Variants in KDM4C observed in about 807,000 individuals in gnomAD.
KDM4C encodes lysine demethylase 4C.
KDM4C carries 81 observed loss-of-function variants against 129.3 expected under a neutral mutation model. That is an observed-to-expected ratio of 0.63 (90% CI 0.52 to 0.75). KDM4C has a LOEUF of 0.75. Among genes scored for constraint, KDM4C ranks in the 30% least tolerant of loss-of-function variants. The pLI, the probability that KDM4C is intolerant of heterozygous loss-of-function variation, is 0.00. For synonymous variants in KDM4C, 573 were observed against 456.1 expected (o/e 1.26, Z -3.26); for missense variants, 1,457 against 1,304.0 (o/e 1.12, Z -1.81).
intron 1 of KDM4C, among the ~76,000 whole-genome samples, chr9:6,733,942 A>G (rs953077794): frequency 6.6e-6 from 1 of 152,120 alleles, no homozygotes; most frequent in Non-Finnish European, 1.5e-5. Flanking sequence ...TCACGCTCAC[A>G]TCTTGGTTTT....
chr9:6,805,549 T>C, intron 2 of KDM4C, 50 bp from the exon 3 acceptor site: 1 of 1,320,906 alleles, frequency 7.6e-7, no homozygotes, highest in South Asian at 1.6e-5. Flanking sequence ...AAAGCTAAAT[T>C]ACTTGGAGTA....
chr9:6,856,943 G>C (rs945015532), intron 5 of KDM4C, among the ~76,000 whole-genome samples: 4 of 151,972 alleles, frequency 2.6e-5, no homozygotes, highest in Non-Finnish European at 5.9e-5. Flanking sequence ...ATTTTTAGTA[G>C]AGACGGGGTT....
chr9:6,920,753 A>G (rs1383111783), intron 8 of KDM4C, among the ~76,000 whole-genome samples: 3 of 152,122 alleles, frequency 2.0e-5, no homozygotes, highest in Non-Finnish European at 2.9e-5. Flanking sequence ...TTGGTCTTGC[A>G]CAGAGGGAAA....
chr9:6,833,858 A>G (rs1014833573), intron 4 of KDM4C, among the ~76,000 whole-genome samples: 1 of 152,168 alleles, frequency 6.6e-6, no homozygotes, highest in African/African-American at 2.4e-5. Flanking sequence ...TCCAATCCGC[A>G]GCCCAGTGAT....
intron 15 of KDM4C, among the ~76,000 whole-genome samples, chr9:7,043,645 C>G (rs566752507): frequency 5.2e-4 from 78 of 151,348 alleles, no homozygotes; most frequent in African/African-American, 1.8e-3. Flanking sequence ...TTGAGTCAAA[C>G]AAATGATGTA....
At chr9:7,005,608 CTAT>C (rs1821525573) in intron 12 of KDM4C, among the ~76,000 whole-genome samples, 1 of 152,078 alleles carries the variant, frequency 6.6e-6, no homozygotes, top group Admixed American at 6.5e-5. Context: ...GGGTTTGTGG[CTAT>C]TATAACTAAA....
chr9:6,983,317 G>T (rs115075216), intron 9 of KDM4C, among the ~76,000 whole-genome samples: 183 of 152,214 alleles, frequency 1.2e-3, no homozygotes, highest in African/African-American at 4.0e-3. Context: ...TAATTGTTAG[G>T]AATGTTTGTT....
chr9:6,946,555 A>G (rs1373946744), intron 8 of KDM4C, among the ~76,000 whole-genome samples: 1 of 152,126 alleles, frequency 6.6e-6, no homozygotes, highest in Non-Finnish European at 1.5e-5. Flanking sequence ...ATCCACATTT[A>G]GGGTAAATCT....
intron 1 of KDM4C, among the ~76,000 whole-genome samples, chr9:6,778,634 GCACATGCCTGTA>G (rs1823615946): frequency 6.6e-6 from 1 of 151,740 alleles, no homozygotes; most frequent in Non-Finnish European, 1.5e-5. Flanking sequence ...GGGCGTGGTG[GCACATGCCTGTA>G]ATCCCAGCTA....
At chr9:6,735,091 A>G (rs1052044811) in intron 1 of KDM4C, 4 of 417,110 alleles carry the variant, frequency 9.6e-6, no homozygotes, top group East Asian at 5.7e-5. Flanking sequence ...CCAGCAGCCT[A>G]TGCAATGACT....
intron 18 of KDM4C, among the ~76,000 whole-genome samples, chr9:7,118,401 G>T (rs977781747): frequency 1.3e-5 from 2 of 152,170 alleles, no homozygotes; most frequent in African/African-American, 4.8e-5. Context: ...TCTGGGCAGA[G>T]GATTTTTACC....
intron 17 of KDM4C, among the ~76,000 whole-genome samples, chr9:7,074,442 C>G (rs375257991): frequency 6.6e-6 from 1 of 152,094 alleles, no homozygotes; most frequent in Non-Finnish European, 1.5e-5. Flanking sequence ...CCTGGGATTA[C>G]GGGTATGAGC....
intron 15 of KDM4C, among the ~76,000 whole-genome samples, chr9:7,025,093 C>G (rs10975988): frequency 1.6e-3 from 247 of 152,244 alleles, no homozygotes; most frequent in Non-Finnish European, 3.1e-3. Context: ...CTCAGTTGAC[C>G]TCTTTATTAT....
intron 20 of KDM4C, among the ~76,000 whole-genome samples, chr9:7,167,689 A>G (rs988017103): frequency 2.0e-5 from 3 of 152,160 alleles, no homozygotes; most frequent in Admixed American, 6.5e-5. Context: ...TGTATGTTTG[A>G]TCTTTATTAA....
At position 6,986,456 on chromosome 9, in the gene KDM4C, A is replaced by T; in HGVS notation, c.1467A>T (p.Pro489=). The T allele has an allele frequency of 6.2e-7, 1 of 1,614,098 alleles. No individual in the cohort carries two copies. The highest frequency in any genetic ancestry group is 8.5e-7 in the Non-Finnish European group (1 of 1,179,990). The change falls in exon 11 of 22, where the codon CCA becomes CCT. Residue 489 remains proline (P), a synonymous_variant. Coordinates refer to ENST00000381309, the MANE Select transcript of KDM4C (RefSeq NM_015061.6). ...SISSEADDSI[P]LSSGYEKPEK... ...CCAGTGAGGCTGATGATTCCATTCC[A>T]TTGTCTAGTGGCTATGAGAAGCCCG...
In KDM4C at chr9:6,929,471, C is replaced by CTT. The variant is rs59537472; in HGVS notation, c.921+36257_921+36258dup. ...TACACTTTATCCTGTTTGACTTTTT[C>CTT]TTTTTTTTTTTTTTTTTTTGGCAAC... On this transcript the variant is annotated intron_variant, in intron 8 of 21. Transcript: ENST00000381309. Among the ~76,000 whole-genome samples the CTT allele has an allele frequency of 4.5e-3, 580 of 127,522 alleles. 5 individuals carry two copies. The highest frequency in any genetic ancestry group is 0.014 in the African/African-American group (483 of 34,218). The allele number at this position is 127,522 out of a possible 152,430, so 83.7% of individuals were successfully genotyped here.
intron 4 of KDM4C, among the ~76,000 whole-genome samples, chr9:6,844,385 C>G (rs914198788): frequency 6.6e-6 from 1 of 152,190 alleles, no homozygotes; most frequent in East Asian, 1.9e-4. Flanking sequence ...TGAAGTGCAT[C>G]TCTGATGTGG....
chr9:7,131,378 T>A (rs990498234), intron 19 of KDM4C, among the ~76,000 whole-genome samples: 2 of 152,184 alleles, frequency 1.3e-5, no homozygotes, highest in African/African-American at 4.8e-5. Flanking sequence ...TTTCCCCTTA[T>A]AATATTGTAT....
At chr9:7,022,793 A>G (rs1825110725) in intron 15 of KDM4C, among the ~76,000 whole-genome samples, 1 of 152,132 alleles carries the variant, frequency 6.6e-6, no homozygotes, top group African/African-American at 2.4e-5. Context: ...AGTTGGTCAT[A>G]TATGGCTTTT....
Sources: gnomAD v4.1 joint callset for allele counts (sites outside exome capture counted in the v4.1 genomes callset) on GRCh38, gnomAD v4.1.1 for gene constraint, MANE v1.5 for transcripts, NCBI Gene and HGNC (gene_info 2026-07-23, HGNC 2026-07-21) for gene names.